Variants in BRD3 observed in about 807,000 individuals in gnomAD.
BRD3 encodes bromodomain containing 3.
BRD3 carries 17 observed loss-of-function variants against 66.8 expected under a neutral mutation model. That is an observed-to-expected ratio of 0.25 (90% confidence interval 0.17 to 0.38). The LOEUF (loss-of-function observed/expected upper bound fraction) is 0.38, where lower values mean the gene tolerates loss of function less well. Ranked by LOEUF, BRD3 falls within the 10% of genes least tolerant of loss-of-function variation. BRD3 has a pLI of 1.00. For synonymous variants in BRD3, 421 were observed against 393.2 expected (o/e 1.07, Z -0.84); for missense variants, 713 against 956.1 (o/e 0.75, Z 3.35).
At chr9:134,054,591 T>A (rs1830375599) in intron 1 of BRD3, 1 of 152,298 alleles carries the variant, frequency 6.6e-6, no homozygotes, top group South Asian at 2.1e-4. Flanking sequence ...GTCGTGTAAC[T>A]GACAGTTAGA....
intron 1 of BRD3, among the ~76,000 whole-genome samples, chr9:134,061,151 G>A (rs192424947): frequency 1.2e-3 from 182 of 152,326 alleles, no homozygotes; most frequent in South Asian, 7.0e-3. Flanking sequence ...CAGGCATGTC[G>A]CCTGGGCAGC....
chr9:134,053,525 C>A lies in BRD3; in HGVS notation c.-48G>T. ...CTGTCACAGCAGCGGCTTGGAGAGG[C>A]CCTGGCTGCTTCTACGCTCCCTGAG... On this transcript the variant is annotated 5_prime_UTR_variant, in exon 2 of 12. Coordinates refer to ENST00000303407, the MANE Select transcript of BRD3 (RefSeq NM_007371.4). 6.6e-7 allele frequency: 1 copy of A among 1,508,964 alleles called. No homozygotes were observed. Among genetic ancestry groups the A allele is most frequent in the Non-Finnish European group, 8.8e-7 (1 of 1,132,708 alleles). 93.5% of individuals were successfully genotyped at this position (1,508,964 alleles called of 1,614,324 possible). A position where few individuals can be genotyped will look rare whatever the true frequency, so the allele number is the denominator to read the frequency against.
chr9:134,048,637 C>T (rs1213153269), intron 5 of BRD3, among the ~76,000 whole-genome samples, 183 bp from the exon 6 acceptor site: 1 of 152,198 alleles, frequency 6.6e-6, no homozygotes. Context: ...GGTCACACAG[C>T]TGGCAGTGGT....
intron 8 of BRD3, among the ~76,000 whole-genome samples, 195 bp downstream of exon 8, chr9:134,041,565 A>C (rs1456250203): frequency 6.6e-6 from 1 of 152,088 alleles, no homozygotes; most frequent in Admixed American, 6.5e-5. Context: ...GCAGCCACCC[A>C]CGTGTGCTGT....
intron 3 of BRD3, among the ~76,000 whole-genome samples, 181 bp from the exon 4 acceptor site, chr9:134,051,890 T>TGTA (rs1564555926): frequency 2.4e-4 from 22 of 89,862 alleles, no homozygotes; most frequent in African/African-American, 1.4e-3. Context: ...GTTTTTTTTG[T>TGTA]TTTTTTTTTT....
chr9:134,060,024 C>T (rs1169110188), intron 1 of BRD3, among the ~76,000 whole-genome samples: 1 of 152,160 alleles, frequency 6.6e-6, no homozygotes, highest in Admixed American at 6.5e-5. Flanking sequence ...GAGGAGGGGG[C>T]GGAGGCTCAG....
chr9:134,039,718 C>T (rs1338435222), intron 9 of BRD3, among the ~76,000 whole-genome samples: 3 of 152,198 alleles, frequency 2.0e-5, no homozygotes, highest in African/African-American at 4.8e-5. Flanking sequence ...CAAAACGGGG[C>T]GTTCAACTCC....
At chr9:134,035,649 A>G (rs376081713) in intron 10 of BRD3, among the ~76,000 whole-genome samples, 2 of 152,200 alleles carry the variant, frequency 1.3e-5, no homozygotes, top group African/African-American at 4.8e-5. Flanking sequence ...CAAGGCCCCA[A>G]ATGGAGGGGA....
rs368124934 is a variant in BRD3 at position 134,042,181 on chromosome 9, A to G, written c.1216-230T>C. On this transcript the variant is annotated intron_variant, in intron 7 of 11. Transcript: ENST00000303407. ...GGACAGGCCTGGGAAGAGGGGACACAGGAGCTGGCCCACAGCTCCCTTCAG... is the reference window on the plus strand; with the variant it reads ...GGACAGGCCTGGGAAGAGGGGACACGGGAGCTGGCCCACAGCTCCCTTCAG... Among the ~76,000 whole-genome samples, 37 of 152,214 alleles carry G rather than the reference A, an allele frequency of 2.4e-4. No homozygotes were observed. In the East Asian group the frequency reaches 7.0e-3, roughly 29 times the overall value.
At chr9:134,060,959 A>G (rs552293275) in intron 1 of BRD3, among the ~76,000 whole-genome samples, 3 of 152,378 alleles carry the variant, frequency 2.0e-5, no homozygotes, top group Admixed American at 6.5e-5. Flanking sequence ...GGCCCAGCCC[A>G]GAATTCATCA....
Position 134,053,457 on chromosome 9 carries a change from G to A in BRD3, c.21C>T (p.Val7=), listed in dbSNP as rs752009917. 19 of 1,604,076 alleles carry A rather than the reference G, an allele frequency of 1.2e-5. No homozygotes were observed. The highest frequency in any genetic ancestry group is 8.8e-5 in the South Asian group (8 of 90,758). ...GGGTCGCCGGGATCCCCGCGGGGGC[G>A]ACTGTCGTGGCGGTGGACATCCTCC... MSTATT[V]APAGIPATPG... Residue 7 remains valine, a synonymous_variant, in exon 2 of 12, where the codon GTC becomes GTT. Coordinates refer to ENST00000303407, the MANE Select transcript of BRD3 (RefSeq NM_007371.4).
intron 1 of BRD3, among the ~76,000 whole-genome samples, chr9:134,062,232 T>C (rs1830558640): frequency 6.6e-6 from 1 of 152,128 alleles, no homozygotes; most frequent in Non-Finnish European, 1.5e-5. Context: ...GAGCCCCCCA[T>C]GCACAGCGCA....
At chr9:134,040,752 C>T (rs796644693) in intron 8 of BRD3, among the ~76,000 whole-genome samples, 1 of 152,188 alleles carries the variant, frequency 6.6e-6, no homozygotes, top group Non-Finnish European at 1.5e-5. Flanking sequence ...TTTAAATGCC[C>T]ACACAAAGGA....
intron 10 of BRD3, among the ~76,000 whole-genome samples, chr9:134,035,201 G>A (rs1302751407): frequency 1.3e-5 from 2 of 152,214 alleles, no homozygotes; most frequent in African/African-American, 4.8e-5. Flanking sequence ...CAGGGCCGCT[G>A]CTCTCCATCT....
At chr9:134,039,736 C>G (rs1179196070) in intron 9 of BRD3, among the ~76,000 whole-genome samples, 1 of 152,250 alleles carries the variant, frequency 6.6e-6, no homozygotes, top group African/African-American at 2.4e-5. Flanking sequence ...TCCCCCTAGT[C>G]AAGATCCTTG....
In BRD3 at chr9:134,062,153, G is replaced by A. The variant is rs184935971; in HGVS notation, c.-114+5792C>T. On this transcript the variant is annotated intron_variant, in intron 1 of 11. Transcript: ENST00000303407. The stretch of plus-strand genomic sequence containing the variant: ...GCCCTGGGGAGGGCAGCTGGGCATC[G>A]TGGGCCCCACCCAAGCAGGCACGGC... 2.9e-3 allele frequency among the ~76,000 whole-genome samples: 442 copies of A among 152,274 alleles called. 1 individual carries two copies. The highest frequency in any genetic ancestry group is 1.0e-2 in the African/African-American group (415 of 41,540).
At position 134,032,969 on chromosome 9, in the gene BRD3, C is replaced by T. The variant is rs1025291594; in HGVS notation, c.*621G>A. 7.6e-6 allele frequency: 3 copies of T among 394,710 alleles called. No homozygotes were observed. The Admixed American group carries it at 1.3e-4, about 18-fold the overall frequency. The allele number at this position is 394,710 out of a possible 1,614,324, so 24.5% of individuals were successfully genotyped here. On this transcript the variant is annotated 3_prime_UTR_variant, in exon 12 of 12. Transcript: ENST00000303407. Reference sequence around the variant, plus strand: ...CCCTCCGAGGAGCTCCTGACATCACCACGAGCGGAGAACGCACATCCCACC... The same window carrying T: ...CCCTCCGAGGAGCTCCTGACATCACTACGAGCGGAGAACGCACATCCCACC...
Position 134,045,604 on chromosome 9 carries a change from G to A in BRD3, c.1087-183C>T, listed in dbSNP as rs182480493. 2.0e-5 allele frequency among the ~76,000 whole-genome samples: 3 copies of A among 152,292 alleles called. No homozygotes were observed. Among genetic ancestry groups the A allele is most frequent in the Non-Finnish European group, 2.9e-5 (2 of 68,026 alleles). ...CTCGTACGAGGAAACCCAAAGTGAG[G>A]ACATGAGAGGGTGACTTGATGGCTT... On this transcript the variant is annotated intron_variant, in intron 6 of 11. Transcript: ENST00000303407. The surrounding 1 kb of genome is among the most constrained non-coding windows in gnomAD (Gnocchi z 4.8).
In BRD3 at chr9:134,051,871, GTGTGTGTTGTTTTTTTTGT is replaced by G. The variant is rs1830307836; in HGVS notation, c.352-181_352-163del. 1.2e-4 allele frequency among the ~76,000 whole-genome samples: 13 copies of G among 110,540 alleles called. 1 individual carries two copies. Among genetic ancestry groups the G allele is most frequent in the African/African-American group, 3.9e-4 (9 of 23,298 alleles). 72.5% of individuals were successfully genotyped at this position (110,540 alleles called of 152,430 possible). On this transcript the variant is annotated intron_variant, in intron 3 of 11. Coordinates refer to ENST00000303407, the MANE Select transcript of BRD3 (RefSeq NM_007371.4). ...TATGTGTGTGTGTGTGTGTGTGTGTGTGTGTGTTGTTTTTTTTGTTTTTTTTTTTTTTTTTTTGAGATGG... is the reference window on the plus strand; with the variant it reads ...TATGTGTGTGTGTGTGTGTGTGTGTGTTTTTTTTTTTTTTTTTTGAGATGG...
Sources: allele counts gnomAD v4.1 joint callset (sites outside exome capture counted in the v4.1 genomes callset), GRCh38; gene constraint gnomAD v4.1.1; non-coding constraint Gnocchi (gnomAD v3.1); transcripts MANE v1.5; gene names NCBI Gene and HGNC (gene_info 2026-07-23, HGNC 2026-07-21).